Variants in MYO3A observed in about 807,000 individuals in gnomAD.
MYO3A encodes the protein myosin-IIIa.
In MYO3A, 180 loss-of-function variants were observed where a neutral mutation model predicts 192.7. That is an observed-to-expected ratio of 0.93 (90% CI 0.83 to 1.06). The LOEUF (loss-of-function observed/expected upper bound fraction) is 1.06. MYO3A is among the 50% of genes least tolerant of loss of function. MYO3A has a pLI of 0.00. For synonymous variants in MYO3A, 628 were observed against 645.3 expected (o/e 0.97, Z 0.41); for missense variants, 1,896 against 1,905.0 (o/e 1.00, Z 0.09).
At chr10:25,980,420 T>C (rs915639665) in intron 4 of MYO3A, among the ~76,000 whole-genome samples, 14 of 152,320 alleles carry the variant, frequency 9.2e-5, no homozygotes, top group African/African-American at 2.4e-4. Context: ...GTTTTGCATA[T>C]AGTAACAATT....
At chr10:26,202,221 C>T (rs189618366) in intron 33 of MYO3A, among the ~76,000 whole-genome samples, 10 of 152,324 alleles carry the variant, frequency 6.6e-5, no homozygotes, top group Admixed American at 3.3e-4. Context: ...TGAGTGAACA[C>T]AGTTCTTTAT....
intron 3 of MYO3A, among the ~76,000 whole-genome samples, chr10:25,952,542 G>A (rs531467154): frequency 6.6e-6 from 1 of 152,080 alleles, no homozygotes; most frequent in Non-Finnish European, 1.5e-5. Flanking sequence ...TATTAAAGTT[G>A]ACTGAATGTT....
chr10:25,974,633 A>T (rs1373698858), intron 4 of MYO3A, among the ~76,000 whole-genome samples: 3 of 152,174 alleles, frequency 2.0e-5, no homozygotes, highest in African/African-American at 7.2e-5. Flanking sequence ...GAGGGAGAGG[A>T]TGGCTCAAAT....
intron 6 of MYO3A, among the ~76,000 whole-genome samples, chr10:25,998,577 C>A (rs548971075): frequency 1.2e-4 from 18 of 152,002 alleles, no homozygotes; most frequent in Non-Finnish European, 2.5e-4. Flanking sequence ...ACAAATCATT[C>A]TTCACTGCTT....
intron 4 of MYO3A, among the ~76,000 whole-genome samples, chr10:25,972,591 A>G (rs1838723733): frequency 6.6e-6 from 1 of 152,008 alleles, no homozygotes; most frequent in African/African-American, 2.4e-5. Context: ...CTGGGTGGGG[A>G]ACTTGTTGTT....
At chr10:26,142,184 G>T (rs1840203616) in intron 20 of MYO3A, among the ~76,000 whole-genome samples, 1 of 152,182 alleles carries the variant, frequency 6.6e-6, no homozygotes, top group Admixed American at 6.5e-5. Flanking sequence ...AATGAAAATG[G>T]TCTGTAATTT....
chr10:26,046,852 C>A (rs1430481032), intron 10 of MYO3A, among the ~76,000 whole-genome samples: 1 of 152,154 alleles, frequency 6.6e-6, no homozygotes, highest in Non-Finnish European at 1.5e-5. Flanking sequence ...TTCTTTGGTA[C>A]CTTTAGCATC....
intron 10 of MYO3A, among the ~76,000 whole-genome samples, chr10:26,055,114 C>T (rs1411599700): frequency 1.3e-5 from 2 of 152,220 alleles, no homozygotes; most frequent in East Asian, 3.9e-4. Context: ...GGTGCTAACC[C>T]TAGAGCTACA....
intron 34 of MYO3A, among the ~76,000 whole-genome samples, chr10:26,211,469 T>C (rs966039665): frequency 6.6e-6 from 1 of 152,180 alleles, no homozygotes; most frequent in Non-Finnish European, 1.5e-5. Context: ...TTTGGGCACT[T>C]TGAGTTTTTT....
chr10:25,982,913 A>G (rs1471600032), intron 4 of MYO3A, among the ~76,000 whole-genome samples: 1 of 152,166 alleles, frequency 6.6e-6, no homozygotes, highest in African/African-American at 2.4e-5. Flanking sequence ...AGATCATACC[A>G]GCACACGAGC....
chr10:26,102,215 A>G (rs1837499678), intron 17 of MYO3A, among the ~76,000 whole-genome samples: 1 of 152,208 alleles, frequency 6.6e-6, no homozygotes, highest in Non-Finnish European at 1.5e-5. Flanking sequence ...TGCATGCGTC[A>G]CATAGTTCTC....
chr10:26,055,764 AAGG>A (rs1844277610), intron 10 of MYO3A, among the ~76,000 whole-genome samples: 1 of 152,178 alleles, frequency 6.6e-6, no homozygotes, highest in South Asian at 2.1e-4. Flanking sequence ...GGGAGTAGAG[AAGG>A]AGGAGACTGA....
intron 17 of MYO3A, among the ~76,000 whole-genome samples, chr10:26,106,626 G>A (rs947209836): frequency 6.6e-5 from 10 of 151,942 alleles, no homozygotes; most frequent in African/African-American, 2.4e-4. Context: ...TTTTGGAAAA[G>A]AATATTTATC....
intron 2 of MYO3A, among the ~76,000 whole-genome samples, chr10:25,941,910 C>A (rs1401516291): frequency 1.3e-5 from 2 of 152,104 alleles, no homozygotes. Context: ...CTCGGCTCAT[C>A]CCTCTCATAC....
intron 26 of MYO3A, among the ~76,000 whole-genome samples, chr10:26,160,628 G>A (rs796246546): frequency 3.5e-4 from 54 of 152,122 alleles, no homozygotes; most frequent in African/African-American, 1.0e-3. Context: ...CTGGGTGACA[G>A]AGCAAGACCC....
chr10:25,946,799 A>T (rs1441282448), intron 2 of MYO3A, among the ~76,000 whole-genome samples: 2 of 143,096 alleles, frequency 1.4e-5, no homozygotes, highest in Non-Finnish European at 3.0e-5. Context: ...AATGGCGTGA[A>T]CCTGGGAGGT....
intron 25 of MYO3A, among the ~76,000 whole-genome samples, chr10:26,155,581 T>G (rs1841066211): frequency 1.3e-5 from 2 of 152,198 alleles, no homozygotes; most frequent in Admixed American, 1.3e-4. Context: ...CTCTAAGTGT[T>G]CAGTGAATGT....
intron 32 of MYO3A, among the ~76,000 whole-genome samples, chr10:26,198,336 G>T (rs576868495): frequency 6.6e-6 from 1 of 152,286 alleles, no homozygotes; most frequent in African/African-American, 2.4e-5. Context: ...TTAGCGGAGT[G>T]CGCATGGCCT....
At chr10:26,197,704 C>T (rs181835461) in intron 32 of MYO3A, among the ~76,000 whole-genome samples, 19 of 152,192 alleles carry the variant, frequency 1.2e-4, no homozygotes, top group Non-Finnish European at 2.4e-4. Flanking sequence ...GCTAGGATTA[C>T]AGGCACCTGC....
Sources: allele counts gnomAD v4.1 joint callset (sites outside exome capture counted in the v4.1 genomes callset), GRCh38; gene constraint gnomAD v4.1.1; transcripts MANE v1.5; gene names NCBI Gene and HGNC (gene_info 2026-07-23, HGNC 2026-07-21).